CUBN: variants seen among roughly 807,000 people sequenced by gnomAD.
CUBN encodes cubilin.
CUBN carries 282 observed loss-of-function variants against 405.3 expected under a neutral mutation model. The observed-to-expected ratio is 0.70, with a 90% CI of 0.63 to 0.77. CUBN has a LOEUF of 0.77. CUBN is among the 30% of genes least tolerant of loss of function. CUBN has a pLI of 0.00. For missense variants in CUBN, 4,514 were observed against 4,475.2 expected, an observed-to-expected ratio of 1.01 and a Z score of -0.25; for synonymous variants, 1,684 against 1,617.0, an observed-to-expected ratio of 1.04 and a Z score of -0.99.
At chr10:17,034,201 G>T (rs973564703) in intron 27 of CUBN, among the ~76,000 whole-genome samples, 2 of 152,182 alleles carry the variant, frequency 1.3e-5, no homozygotes, top group African/African-American at 4.8e-5. Flanking sequence ...ATAAGGAAAT[G>T]ATTTAATGGA....
chr10:16,921,332 T>G (rs187811562), intron 43 of CUBN, among the ~76,000 whole-genome samples: 2 of 152,284 alleles, frequency 1.3e-5, no homozygotes, highest in East Asian at 3.9e-4. Context: ...CTACACTCTA[T>G]TTTTCCCTCT....
At chr10:17,100,542 G>A (rs1836473141) in intron 13 of CUBN, among the ~76,000 whole-genome samples, 1 of 152,142 alleles carries the variant, frequency 6.6e-6, no homozygotes, top group Non-Finnish European at 1.5e-5. Context: ...ATATATAACT[G>A]ACATTGTTTC....
intron 17 of CUBN, among the ~76,000 whole-genome samples, chr10:17,083,159 A>C (rs1836009822): frequency 6.6e-6 from 1 of 152,150 alleles, no homozygotes; most frequent in Non-Finnish European, 1.5e-5. Context: ...AGAAAACCTA[A>C]ATTGAATAAA....
chr10:16,979,634 G>C (rs944185132), intron 31 of CUBN, among the ~76,000 whole-genome samples: 1 of 152,186 alleles, frequency 6.6e-6, no homozygotes, highest in Non-Finnish European at 1.5e-5. Context: ...AAACTGGCTA[G>C]CCATATGCAG....
intron 49 of CUBN, among the ~76,000 whole-genome samples, chr10:16,907,256 T>C (rs1330268301): frequency 6.6e-6 from 1 of 152,234 alleles, no homozygotes; most frequent in Non-Finnish European, 1.5e-5. Context: ...TAACATGACC[T>C]GAAACTGTGC....
intron 22 of CUBN, among the ~76,000 whole-genome samples, chr10:17,063,894 GA>G (rs1261223434): frequency 6.6e-6 from 1 of 152,198 alleles, no homozygotes; most frequent in East Asian, 1.9e-4. Context: ...TTACAGATGA[GA>G]AAACTGTGGC....
chr10:16,933,821 C>T (rs557648615), intron 39 of CUBN, among the ~76,000 whole-genome samples: 79 of 152,088 alleles, frequency 5.2e-4, no homozygotes, highest in African/African-American at 1.8e-3. Flanking sequence ...CCCATTTTTT[C>T]CTTTCAAGTT....
In CUBN at chr10:16,904,135, A is replaced by C. The variant is rs1841490601; in HGVS notation, c.7913-20T>G. 6.2e-7 allele frequency: 1 copy of C among 1,612,204 alleles called. No individual in the cohort carries two copies. The highest frequency in any genetic ancestry group is 8.5e-7 in the Non-Finnish European group (1 of 1,178,326). ...CATCACCTGAACAAAATAATATACC[A>C]AGTGCCATCATTGATACAGCTTTTG... On this transcript the variant is annotated intron_variant, in intron 50 of 66. Transcript: ENST00000377833.
chr10:17,117,385 T>C (rs1389353244), intron 6 of CUBN, among the ~76,000 whole-genome samples: 1 of 151,408 alleles, frequency 6.6e-6, no homozygotes. Context: ...TTTGTTTTTG[T>C]TTTTTTTGAG....
rs1836988797 is a variant in CUBN at position 17,119,591 on chromosome 10, C to A, written c.593+3204G>T. ...AGGAGAATTGCTTGTACCCAGGATG[C>A]AGAGGTTGCAGCAATTGCACTCCAG... is the stretch of plus-strand genomic sequence containing the variant. On this transcript the variant is annotated intron_variant, in intron 6 of 66. Transcript: ENST00000377833. Among the ~76,000 whole-genome samples, 4 of 152,050 alleles carry A rather than the reference C, an allele frequency of 2.6e-5. 1 individual carries two copies. The South Asian group carries it at 8.3e-4, about 32-fold the overall frequency.
intron 22 of CUBN, among the ~76,000 whole-genome samples, chr10:17,062,018 C>T (rs1317108813): frequency 6.6e-6 from 1 of 152,132 alleles, no homozygotes; most frequent in Non-Finnish European, 1.5e-5. Context: ...TAGATTTGTG[C>T]TTCAAACTTT....
At chr10:16,833,537 T>G (rs969299771) in intron 64 of CUBN, among the ~76,000 whole-genome samples, 1 of 152,166 alleles carries the variant, frequency 6.6e-6, no homozygotes, top group Non-Finnish European at 1.5e-5. Context: ...TAAACCCATA[T>G]GCAAAGACCA....
At chr10:17,021,571 T>C (rs1588588933) in intron 27 of CUBN, among the ~76,000 whole-genome samples, 1 of 152,216 alleles carries the variant, frequency 6.6e-6, no homozygotes, top group Non-Finnish European at 1.5e-5. Flanking sequence ...TGAGTGTCTG[T>C]GTGTTTGCAC....
chr10:16,941,859 A>T (rs916191666), intron 36 of CUBN, among the ~76,000 whole-genome samples: 14 of 152,132 alleles, frequency 9.2e-5, no homozygotes, highest in African/African-American at 3.1e-4. Context: ...ATATATATTT[A>T]AAAAAATGAA....
chr10:17,079,464 C>T (rs968191726), intron 17 of CUBN, among the ~76,000 whole-genome samples: 1 of 151,828 alleles, frequency 6.6e-6, no homozygotes, highest in African/African-American at 2.4e-5. Flanking sequence ...GTCTCAAACT[C>T]CTGACCTCAG....
intron 18 of CUBN, 36 bp downstream of exon 18, chr10:17,071,791 G>C (rs781411873): frequency 1.2e-6 from 2 of 1,602,002 alleles, no homozygotes; most frequent in African/African-American, 2.7e-5. Context: ...TTACAATCAG[G>C]CAAATTAGAC....
At chr10:17,098,432 C>G (rs1588640514) in intron 14 of CUBN, among the ~76,000 whole-genome samples, 1 of 152,332 alleles carries the variant, frequency 6.6e-6, no homozygotes, top group South Asian at 2.1e-4. Context: ...CACTCTTCAT[C>G]TGATAAAAAT....
intron 65 of CUBN, among the ~76,000 whole-genome samples, chr10:16,830,765 T>C (rs1322709251): frequency 6.6e-6 from 1 of 152,222 alleles, no homozygotes; most frequent in Non-Finnish European, 1.5e-5. Context: ...TGAATATATA[T>C]TCTTTTATAA....
At chr10:16,960,073 C>T (rs1219714236) in intron 31 of CUBN, among the ~76,000 whole-genome samples, 2 of 152,128 alleles carry the variant, frequency 1.3e-5, no homozygotes, top group African/African-American at 2.4e-5. Context: ...TTCTAACTGC[C>T]GAAGCTCTTA....
Sources: gnomAD v4.1 joint callset for allele counts (sites outside exome capture counted in the v4.1 genomes callset) on GRCh38, gnomAD v4.1.1 for gene constraint, MANE v1.5 for transcripts, NCBI Gene and HGNC (gene_info 2026-07-23, HGNC 2026-07-21) for gene names.